Variants in RASGRF1 observed in about 807,000 individuals in gnomAD.
RASGRF1 encodes the protein ras-specific guanine nucleotide-releasing factor 1.
In RASGRF1, 40 loss-of-function variants were observed where a neutral mutation model predicts 138.7. That is an observed-to-expected ratio of 0.29 (90% CI 0.22 to 0.38). The LOEUF (loss-of-function observed/expected upper bound fraction) is 0.38. RASGRF1 is among the 10% of genes least tolerant of loss of function. RASGRF1 has a pLI of 1.00. For missense variants in RASGRF1, 1,108 were observed against 1,650.4 expected, an observed-to-expected ratio of 0.67 and a Z score of 5.69; for synonymous variants, 614 against 663.2, an observed-to-expected ratio of 0.93 and a Z score of 1.14.
chr15:79,003,632 G>T lies in RASGRF1; in HGVS notation c.2449+170C>A, dbSNP rs758109610. ...GGCTCCCACATACGGCTACCTCTCT[G>T]CACCGCCCAGACTCTGTGCTGCCTC... On this transcript the variant is annotated intron_variant, in intron 15 of 26. Coordinates refer to ENST00000558480, the MANE Select transcript of RASGRF1 (RefSeq NM_001145648.3). 2.8e-4 allele frequency among the ~76,000 whole-genome samples: 43 copies of T among 152,240 alleles called. No homozygotes were observed. Among genetic ancestry groups the T allele is most frequent in the Non-Finnish European group, 5.0e-4 (34 of 68,042 alleles).
rs779295901 is a variant in RASGRF1, at chr15:79,046,774, C to T, written c.850G>A (p.Asp284Asn). 9 of 1,614,242 alleles carry T rather than the reference C, an allele frequency of 5.6e-6. No homozygotes were observed. Among genetic ancestry groups the T allele is most frequent in the South Asian group, 1.1e-5 (1 of 91,084 alleles). Residue 284 changes from aspartate (D) to asparagine (N), a missense_variant, in exon 5 of 27, where the codon GAC (aspartate) becomes AAC (asparagine). Asp to Asn is a conservative substitution (Grantham distance 23, BLOSUM62 1). Transcript: ENST00000558480. The surrounding 1 kb of genome is among the most constrained non-coding windows in gnomAD (Gnocchi z 5.3). Reference sequence around the variant, plus strand: ...TTCAGGAAGATGCTGCTGACGTCGTCGTGTGTGATGGGAGGCTTCTTGGAG... The same window carrying T: ...TTCAGGAAGATGCTGCTGACGTCGTTGTGTGTGATGGGAGGCTTCTTGGAG... ...ASSKKPPITH[D>N]DVSSIFLNSE...
intron 23 of RASGRF1, among the ~76,000 whole-genome samples, chr15:78,983,221 C>G (rs1174447071): frequency 6.6e-6 from 1 of 152,230 alleles, no homozygotes; most frequent in Non-Finnish European, 1.5e-5. Context: ...TGCAGACACA[C>G]AACTCTTACA....
chr15:78,981,331 G>C (rs1363722187), intron 23 of RASGRF1: 1 of 152,246 alleles, frequency 6.6e-6, no homozygotes, highest in Non-Finnish European at 1.5e-5. Context: ...GAGCACCCCG[G>C]GTCAAGCCTG....
chr15:79,032,042 G>C lies in RASGRF1; in HGVS notation c.1152+81C>G. Reference sequence around the variant, plus strand: ...GCAGCCCAGAGCTGGGGTGCGTTAAGCACTGTGCCCCCACCGCCATGGTCC... The same window carrying C: ...GCAGCCCAGAGCTGGGGTGCGTTAACCACTGTGCCCCCACCGCCATGGTCC... On this transcript the variant is annotated intron_variant, in intron 7 of 26. Transcript: ENST00000558480. The surrounding 1 kb of genome is among the most constrained non-coding windows in gnomAD (Gnocchi z 4.5). The C allele has an allele frequency of 4.7e-6, 7 of 1,479,216 alleles. No individual in the cohort carries two copies. Among genetic ancestry groups the C allele is most frequent in the Non-Finnish European group, 6.4e-6 (7 of 1,094,932 alleles). The allele number at this position is 1,479,216 out of a possible 1,614,324, so 91.6% of individuals were successfully genotyped here.
intron 5 of RASGRF1, among the ~76,000 whole-genome samples, chr15:79,038,748 C>T (rs2057256062): frequency 6.6e-6 from 1 of 152,000 alleles, no homozygotes; most frequent in South Asian, 2.1e-4. Context: ...TCCATTTTTC[C>T]TTGTAAGGCA....
intron 26 of RASGRF1, among the ~76,000 whole-genome samples, chr15:78,970,800 T>C (rs75901747): frequency 2.5e-5 from 3 of 118,036 alleles, no homozygotes; most frequent in Non-Finnish European, 5.4e-5. Context: ...TTAAACAATT[T>C]TTTTTTCTTT....
chr15:78,978,215 CTTTTGTTT>C (rs1258083217), intron 24 of RASGRF1, among the ~76,000 whole-genome samples: 60 of 79,348 alleles, frequency 7.6e-4, no homozygotes, highest in African/African-American at 3.0e-3. Context: ...TTTTTCTTTT[CTTTTGTTT>C]TTTTTTTTTT....
At chr15:78,984,943 G>T in intron 23 of RASGRF1, 64 bp downstream of exon 23, 1 of 1,543,642 alleles carries the variant, frequency 6.5e-7, no homozygotes, top group East Asian at 2.3e-5. Context: ...CCAGCCCACG[G>T]GTCTTCCTGC....
intron 23 of RASGRF1, chr15:78,981,684 C>G (rs3743199): frequency 0.04 from 6,134 of 152,348 alleles, 199 homozygotes; most frequent in African/African-American, 0.074. Flanking sequence ...AAGGGCTGAG[C>G]GTACCATTCA....
chr15:79,022,949 C>T lies in RASGRF1; in HGVS notation c.1542+2365G>A, dbSNP rs188064513. On this transcript the variant is annotated intron_variant, in intron 10 of 26. Coordinates refer to ENST00000558480, the MANE Select transcript of RASGRF1 (RefSeq NM_001145648.3). ...CAGCACTTTGGGAGGCCGAGGCAGGCGGATCACAAGGTCAGGAGATCGAGA... is the reference window on the plus strand; with the variant it reads ...CAGCACTTTGGGAGGCCGAGGCAGGTGGATCACAAGGTCAGGAGATCGAGA... Among the ~76,000 whole-genome samples the T allele has an allele frequency of 5.4e-3, 821 of 152,168 alleles. 6 individuals are homozygous for T. Among genetic ancestry groups the T allele is most frequent in the African/African-American group, 0.018 (728 of 41,514 alleles).
chr15:78,995,328 C>T (rs1170028991), intron 20 of RASGRF1, among the ~76,000 whole-genome samples: 1 of 143,164 alleles, frequency 7.0e-6, no homozygotes, highest in Non-Finnish European at 1.5e-5. Context: ...CGCTCTGTTA[C>T]CTAGGCTGGA....
At chr15:79,047,089 AC>A in intron 4 of RASGRF1, 90 bp from the exon 5 acceptor site, 2 of 1,501,346 alleles carry the variant, frequency 1.3e-6, no homozygotes, top group South Asian at 2.5e-5. Flanking sequence ...AAGGGTAGGA[AC>A]CAAGGCTTTG....
rs550638784 is a variant in RASGRF1 at position 78,969,003 on chromosome 15, C to T, written c.3681+2863G>A. Reference sequence around the variant, plus strand: ...TCCATCCACTGACCCCCTTTCTTGGCCCATTGACTACAAATCCCCACCTGT... The same window carrying T: ...TCCATCCACTGACCCCCTTTCTTGGTCCATTGACTACAAATCCCCACCTGT... On this transcript the variant is annotated intron_variant, in intron 26 of 26. Transcript: ENST00000558480. Among the ~76,000 whole-genome samples, 44 of 152,302 alleles carry T rather than the reference C, an allele frequency of 2.9e-4. 1 individual carries two copies. The East Asian group carries it at 7.5e-3, about 26-fold the overall frequency.
chr15:79,059,985 CACACAG>C (rs1291493750), intron 2 of RASGRF1, among the ~76,000 whole-genome samples: 378 of 15,668 alleles, frequency 0.024, 2 homozygotes, highest in African/African-American at 0.11. Flanking sequence ...CACACACAGA[CACACAG>C]ACACACACAC....
intron 1 of RASGRF1, among the ~76,000 whole-genome samples, chr15:79,078,549 TC>T (rs1159325776): frequency 3.9e-5 from 6 of 152,126 alleles, no homozygotes; most frequent in Admixed American, 1.3e-4. Context: ...GCAGGAAGTA[TC>T]AGCTTCTCCC....
chr15:78,963,277 A>G (rs1338945832), intron 26 of RASGRF1, among the ~76,000 whole-genome samples: 3 of 152,038 alleles, frequency 2.0e-5, no homozygotes, highest in Non-Finnish European at 4.4e-5. Context: ...TCCCCGCTAC[A>G]TAAATCCAGA....
chr15:78,993,979 G>A (rs969022746), intron 20 of RASGRF1, among the ~76,000 whole-genome samples: 3 of 152,158 alleles, frequency 2.0e-5, no homozygotes, highest in Admixed American at 6.5e-5. Flanking sequence ...CTCTCAACCC[G>A]GATCTGCCCC....
rs776258789 is a variant in RASGRF1 at position 79,049,502 on chromosome 15, A to G, written c.618T>C (p.Ile206=). ...PNDEDSDIKK[I]KKVQSFLRGW... Reference sequence around the variant, plus strand: ...CCAGAGGGATAGCACTGACCTTCTTAATTTTCTTGATGTCGCTGTCTTCAT... The same window carrying G: ...CCAGAGGGATAGCACTGACCTTCTTGATTTTCTTGATGTCGCTGTCTTCAT... Residue 206 remains isoleucine (I), a synonymous_variant, in exon 4 of 27, where the codon ATT becomes ATC. Coordinates refer to ENST00000558480, the MANE Select transcript of RASGRF1 (RefSeq NM_001145648.3). The G allele has an allele frequency of 6.2e-7, 1 of 1,613,882 alleles. No individual in the cohort carries two copies. Among genetic ancestry groups the G allele is most frequent in the Non-Finnish European group, 8.5e-7 (1 of 1,179,942 alleles).
intron 1 of RASGRF1, among the ~76,000 whole-genome samples, chr15:79,082,704 G>A (rs961101900): frequency 3.3e-5 from 5 of 152,204 alleles, no homozygotes; most frequent in Middle Eastern, 3.2e-3. Flanking sequence ...ACAGGGCTTC[G>A]TGATGATTTG....
Sources: gnomAD v4.1 joint callset for allele counts (sites outside exome capture counted in the v4.1 genomes callset) on GRCh38, gnomAD v4.1.1 for gene constraint, Gnocchi (gnomAD v3.1) non-coding constraint, MANE v1.5 for transcripts, NCBI Gene and HGNC (gene_info 2026-07-23, HGNC 2026-07-21) for gene names.